DCDC2C: variants seen among roughly 807,000 people sequenced by gnomAD.
DCDC2C encodes the protein doublecortin domain-containing protein 2C.
Under a neutral mutation model 45.0 loss-of-function variants are expected in DCDC2C, and 44 were observed. That is an observed-to-expected ratio of 0.98 (90% CI 0.77 to 1.26). The LOEUF is 1.26. Among genes scored for constraint, DCDC2C ranks in the 50% most tolerant of loss-of-function variants. DCDC2C has a pLI of 0.00. For missense variants in DCDC2C, 447 were observed against 468.9 expected (o/e 0.95, Z 0.43); for synonymous variants, 187 against 178.8 (o/e 1.05, Z -0.37).
At chr2:3,811,049 T>G (rs903125157) in intron 10 of DCDC2C, among the ~76,000 whole-genome samples, 1 of 152,220 alleles carries the variant, frequency 6.6e-6, no homozygotes, top group African/African-American at 2.4e-5. Flanking sequence ...CCTAGGATTA[T>G]CTTGGCTATG....
chr2:3,797,304 T>A (rs1047755096), intron 10 of DCDC2C, among the ~76,000 whole-genome samples: 1 of 151,134 alleles, frequency 6.6e-6, no homozygotes, highest in Non-Finnish European at 1.5e-5. Context: ...ATTTTGTTGA[T>A]CCTTTCAAAA....
In DCDC2C at chr2:3,752,793, C is replaced by G; in HGVS notation, c.576C>G (p.Gly192=). ...TTACAATGAATGGGCATCTTTTGGG[C>G]GACTCAAAGGATTTGCAAGACAATC... The part of the protein sequence containing the change: ...KLFTMNGHLL[G]DSKDLQDNHF... Residue 192 remains glycine (G), a synonymous_variant, in exon 5 of 11, where the codon GGC becomes GGG. Coordinates refer to ENST00000399143, the MANE Select transcript of DCDC2C (RefSeq NM_001287444.2). 1 of 1,550,100 alleles carries G rather than the reference C, an allele frequency of 6.5e-7. No homozygotes were observed. Among genetic ancestry groups the G allele is most frequent in the Non-Finnish European group, 8.7e-7 (1 of 1,146,764 alleles).
chr2:3,754,490 C>G (rs116241414), intron 5 of DCDC2C, 102 bp from the exon 6 acceptor site: 102 of 1,166,080 alleles, frequency 8.7e-5, no homozygotes, highest in Non-Finnish European at 1.6e-5. Context: ...TGCTCCTCCT[C>G]GTGGTCACTT....
At chr2:3,767,903 T>G (rs1670058036) in intron 7 of DCDC2C, 23 bp downstream of exon 7, 2 of 1,446,252 alleles carry the variant, frequency 1.4e-6, no homozygotes, top group Non-Finnish European at 1.8e-6. Context: ...TTCATTCTGC[T>G]GTAGGCAGTT....
At position 3,734,731 on chromosome 2, in the gene DCDC2C, G is replaced by A. The variant is rs1178611868; in HGVS notation, c.417-7189G>A. 2.6e-5 allele frequency among the ~76,000 whole-genome samples: 4 copies of A among 152,148 alleles called. No homozygotes were observed. The highest frequency in any genetic ancestry group is 7.2e-5 in the African/African-American group (3 of 41,434). On this transcript the variant is annotated intron_variant, in intron 3 of 10. Transcript: ENST00000399143. This position sits in a 1 kb window ranked among gnomAD's most constrained non-coding sequence, Gnocchi z 4.2. Reference sequence around the variant, plus strand: ...GAGACATGCCTCAAGTCCTGAGCTCGGTGAAGCTCTCGCAATCCACGTTTT... The same window carrying A: ...GAGACATGCCTCAAGTCCTGAGCTCAGTGAAGCTCTCGCAATCCACGTTTT...
At position 3,756,226 on chromosome 2, in the gene DCDC2C, C is replaced by T. The variant is rs138982112; in HGVS notation, c.726+1592C>T. On this transcript the variant is annotated intron_variant, in intron 6 of 10. Coordinates refer to ENST00000399143, the MANE Select transcript of DCDC2C (RefSeq NM_001287444.2). ...GCTTACCAGTCCTTGTAACTGTTTACGTGATCCTCCTATATCCCTGATCAT... is the reference window on the plus strand; with the variant it reads ...GCTTACCAGTCCTTGTAACTGTTTATGTGATCCTCCTATATCCCTGATCAT... Among the ~76,000 whole-genome samples, 160 of 152,254 alleles carry T rather than the reference C, an allele frequency of 1.1e-3. 2 individuals carry two copies. Among genetic ancestry groups the T allele is most frequent in the African/African-American group, 3.6e-3 (151 of 41,528 alleles).
intron 10 of DCDC2C, among the ~76,000 whole-genome samples, chr2:3,831,794 G>A (rs6727373): frequency 0.38 from 57,410 of 151,782 alleles, 11,161 homozygotes; most frequent in African/African-American, 0.48. Flanking sequence ...AAGGCAGAGC[G>A]CTCCGCCTCT....
chr2:3,748,116 G>C (rs1669427314), intron 4 of DCDC2C, among the ~76,000 whole-genome samples: 2 of 152,296 alleles, frequency 1.3e-5, no homozygotes. Context: ...GGGAGTGAAG[G>C]CTGCTTGCAG....
intron 10 of DCDC2C, among the ~76,000 whole-genome samples, chr2:3,819,432 G>A (rs1281395185): frequency 3.9e-5 from 6 of 152,252 alleles, no homozygotes; most frequent in African/African-American, 1.4e-4. Context: ...CAAAGTTTTT[G>A]TGTGCTGGAG....
At chr2:3,790,958 A>G (rs1558229379) in intron 10 of DCDC2C, among the ~76,000 whole-genome samples, 1 of 152,128 alleles carries the variant, frequency 6.6e-6, no homozygotes, top group Non-Finnish European at 1.5e-5. Context: ...AATATAAAAA[A>G]AATGAGCCAG....
intron 8 of DCDC2C, among the ~76,000 whole-genome samples, chr2:3,776,252 A>G (rs951533417): frequency 2.0e-5 from 3 of 152,136 alleles, no homozygotes; most frequent in Non-Finnish European, 2.9e-5. Flanking sequence ...TCTTGTTATG[A>G]GTAAAAACAA....
chr2:3,805,946 T>C (rs1671232789), intron 10 of DCDC2C, among the ~76,000 whole-genome samples: 1 of 152,228 alleles, frequency 6.6e-6, no homozygotes, highest in Admixed American at 6.5e-5. Flanking sequence ...TACTGCACCC[T>C]CAGACTCCCC....
At chr2:3,821,412 T>C (rs924941844) in intron 10 of DCDC2C, among the ~76,000 whole-genome samples, 22 of 152,206 alleles carry the variant, frequency 1.4e-4, no homozygotes, top group Non-Finnish European at 1.0e-4. Flanking sequence ...GGCTATGATC[T>C]CCTGTGAGAT....
At chr2:3,712,015 C>G (rs1291273481) in intron 2 of DCDC2C, among the ~76,000 whole-genome samples, 5 of 152,070 alleles carry the variant, frequency 3.3e-5, no homozygotes, top group Non-Finnish European at 5.9e-5. Flanking sequence ...AAAGGGTTTG[C>G]CATTATTATT....
chr2:3,781,744 C>T (rs996948706), intron 9 of DCDC2C, among the ~76,000 whole-genome samples: 1 of 152,032 alleles, frequency 6.6e-6, no homozygotes, highest in Non-Finnish European at 1.5e-5. Context: ...GTGGTGTGCA[C>T]CTGTAGTCCC....
chr2:3,803,150 G>A (rs17461372), intron 10 of DCDC2C, among the ~76,000 whole-genome samples: 14,215 of 152,220 alleles, frequency 0.093, 897 homozygotes, highest in Non-Finnish European at 0.13. Context: ...TTGAGATGTG[G>A]CTCTACCCCT....
At chr2:3,747,495 C>T (rs1015057516) in intron 4 of DCDC2C, among the ~76,000 whole-genome samples, 5 of 152,170 alleles carry the variant, frequency 3.3e-5, no homozygotes, top group African/African-American at 1.2e-4. Context: ...TGGCCACCAC[C>T]GTTAGTGGCA....
chr2:3,828,918 A>T (rs1671888811), intron 10 of DCDC2C, among the ~76,000 whole-genome samples: 1 of 151,636 alleles, frequency 6.6e-6, no homozygotes, highest in Non-Finnish European at 1.5e-5. Flanking sequence ...ACTGGAAATC[A>T]TTTTTGGCTA....
Position 3,735,928 on chromosome 2 carries a change from C to T in DCDC2C, c.417-5992C>T, listed in dbSNP as rs112617970. On this transcript the variant is annotated intron_variant, in intron 3 of 10. Transcript: ENST00000399143. ...CATGGATTGGAAATATAGGGCAGTACCTTTCAAGTCCCTCTGGTTTTAAAT... is the reference window on the plus strand; with the variant it reads ...CATGGATTGGAAATATAGGGCAGTATCTTTCAAGTCCCTCTGGTTTTAAAT... Among the ~76,000 whole-genome samples the T allele has an allele frequency of 4.0e-3, 611 of 152,086 alleles. 4 individuals are homozygous for T. Among genetic ancestry groups the T allele is most frequent in the African/African-American group, 0.014 (580 of 41,474 alleles).
Sources: gnomAD v4.1 joint callset for allele counts (sites outside exome capture counted in the v4.1 genomes callset) on GRCh38, gnomAD v4.1.1 for gene constraint, Gnocchi (gnomAD v3.1) non-coding constraint, MANE v1.5 for transcripts, NCBI Gene and HGNC (gene_info 2026-07-23, HGNC 2026-07-21) for gene names.